The following MYO10 variants were observed in gnomAD, a reference collection of about 807,000 sequenced individuals.
MYO10 encodes unconventional myosin-X.
In MYO10, 133 loss-of-function variants were observed where a neutral mutation model predicts 257.3. The ratio of observed to expected loss-of-function variants is 0.52; its 90% CI spans 0.45 to 0.60. The LOEUF (loss-of-function observed/expected upper bound fraction) is 0.60. Ranked by LOEUF, MYO10 falls within the 20% of genes least tolerant of loss-of-function variation. MYO10 has a pLI of 0.00. For missense variants in MYO10, 2,399 were observed against 2,635.7 expected (o/e 0.91, Z 1.97); for synonymous variants, 1,104 against 1,028.6 (o/e 1.07, Z -1.40).
chr5:16,732,674 G>A (rs1739632156), intron 19 of MYO10, among the ~76,000 whole-genome samples: 1 of 152,206 alleles, frequency 6.6e-6, no homozygotes, highest in Non-Finnish European at 1.5e-5. Flanking sequence ...CTAAGGTTAT[G>A]TCCACGCAGT....
intron 2 of MYO10, among the ~76,000 whole-genome samples, chr5:16,824,798 C>G (rs1273976591): frequency 6.6e-6 from 1 of 151,996 alleles, no homozygotes; most frequent in Non-Finnish European, 1.5e-5. Context: ...ACCCGGGAGG[C>G]GGAGGTTGCA....
intron 19 of MYO10, among the ~76,000 whole-genome samples, chr5:16,711,632 A>T (rs1738624275): frequency 6.6e-6 from 1 of 151,956 alleles, no homozygotes; most frequent in African/African-American, 2.4e-5. Context: ...AAATACAAAA[A>T]TTAGCCAGGC....
Position 16,673,835 on chromosome 5 carries a change from G to GT in MYO10, c.5018dup (p.Tyr1673Ter). ...SEMEKYALFTYESLKKTKCRE... is the reference protein window; with the variant it reads ...SEMEKYALFT The stretch of plus-strand genomic sequence containing the variant: ...GGCATTTGGTTTTCTTAAGAGATTC[G>GT]TAAGTGAAGAGAGCGTATTTTTCCA... Residue 1673 changes from tyrosine to a stop codon, truncating the protein, a stop_gained and frameshift_variant, in exon 36 of 41, where the codon TAC becomes TAAC. Transcript: ENST00000513610. LOFTEE classifies it high-confidence loss of function. The GT allele has an allele frequency of 6.2e-7, 1 of 1,613,948 alleles. No homozygotes were observed. The highest frequency in any genetic ancestry group is 8.5e-7 in the Non-Finnish European group (1 of 1,179,874).
intron 2 of MYO10, among the ~76,000 whole-genome samples, chr5:16,832,880 C>G (rs981180469): frequency 2.0e-5 from 3 of 152,338 alleles, no homozygotes; most frequent in East Asian, 3.9e-4. Context: ...TTGCTATCAG[C>G]TACCCAAGTC....
intron 2 of MYO10, among the ~76,000 whole-genome samples, chr5:16,826,830 A>G (rs891558015): frequency 6.6e-6 from 1 of 152,200 alleles, no homozygotes; most frequent in Non-Finnish European, 1.5e-5. Context: ...GTAGTGATCA[A>G]TAACAAAGGT....
At chr5:16,703,494 AATC>A (rs1428944281) in intron 22 of MYO10, among the ~76,000 whole-genome samples, 3 of 152,198 alleles carry the variant, frequency 2.0e-5, no homozygotes, top group African/African-American at 7.2e-5. Flanking sequence ...ATATGAAAAA[AATC>A]ATCACAGCAG....
At chr5:16,705,239 C>T (rs1028255855) in intron 21 of MYO10, among the ~76,000 whole-genome samples, 9 of 152,254 alleles carry the variant, frequency 5.9e-5, no homozygotes, top group Middle Eastern at 3.4e-3. Flanking sequence ...AAAATATTGA[C>T]GTTAAGAACA....
chr5:16,830,679 G>GCACACACACACACACTCA (rs1554000808), intron 2 of MYO10, among the ~76,000 whole-genome samples: 43 of 149,004 alleles, frequency 2.9e-4, no homozygotes, highest in African/African-American at 4.7e-4. Context: ...TTTTTAATAG[G>GCACACACACACACACTCA]CACACACACA....
At chr5:16,738,116 C>T in intron 19 of MYO10, 1 of 984,404 alleles carries the variant, frequency 1.0e-6, no homozygotes, top group Non-Finnish European at 1.2e-6. Flanking sequence ...GGTGGAAATA[C>T]ACAGGGGAGA....
chr5:16,840,862 C>T lies in MYO10; in HGVS notation c.121-22695G>A, dbSNP rs148187796. Among the ~76,000 whole-genome samples, 383 of 151,902 alleles carry T rather than the reference C, an allele frequency of 2.5e-3. 5 individuals are homozygous for T. The highest frequency in any genetic ancestry group is 9.1e-3 in the African/African-American group (375 of 41,426). On this transcript the variant is annotated intron_variant, in intron 2 of 40. Transcript: ENST00000513610. ...TTTTTTAAAAAAGGAGATTTCAGGC[C>T]GAGTGCAGTGCCTCACACCTGTAAT...
At chr5:16,699,356 C>T (rs1263018852) in intron 26 of MYO10, 94 bp downstream of exon 26, 56 of 1,477,276 alleles carry the variant, frequency 3.8e-5, no homozygotes, top group Non-Finnish European at 4.1e-5. Flanking sequence ...GATACAATAA[C>T]ACCTCCGTTA....
intron 2 of MYO10, among the ~76,000 whole-genome samples, chr5:16,840,270 G>A: frequency 6.6e-6 from 1 of 152,176 alleles, no homozygotes; most frequent in East Asian, 1.9e-4. Context: ...AAATTAGCCA[G>A]GCATGGTGGT....
intron 10 of MYO10, 109 bp downstream of exon 10, chr5:16,768,965 C>A (rs1449001753): frequency 3.0e-6 from 4 of 1,353,690 alleles, no homozygotes; most frequent in African/African-American, 1.5e-5. Context: ...CAAGAGCCAC[C>A]GCACCTGGCC....
chr5:16,794,775 T>C lies in MYO10; in HGVS notation c.338A>G (p.Tyr113Cys). ...VNPYQPIAGL[Y>C]EPATMEQYSR... ...GTACTGCTCCATGGTGGCAGGCTCGTACAGCCCGGCGATGGGCTGGTAGGG... is the reference window on the plus strand; with the variant it reads ...GTACTGCTCCATGGTGGCAGGCTCGCACAGCCCGGCGATGGGCTGGTAGGG... Residue 113 changes from tyrosine to cysteine, a missense_variant, in exon 4 of 41, where the codon TAC (tyrosine) becomes TGC (cysteine). Physicochemically the swap from Tyr to Cys is radical, Grantham distance 194 (BLOSUM62 -2). This residue lies in a region of MYO10 where 242 missense variants were observed against 249.5 expected (regional missense o/e 0.97). Coordinates refer to ENST00000513610, the MANE Select transcript of MYO10 (RefSeq NM_012334.3). The C allele has an allele frequency of 6.2e-7, 1 of 1,606,784 alleles. No homozygotes were observed. The highest frequency in any genetic ancestry group is 1.1e-5 in the South Asian group (1 of 89,746).
intron 22 of MYO10, among the ~76,000 whole-genome samples, 163 bp from the exon 23 acceptor site, chr5:16,703,321 A>G (rs866999240): frequency 4.6e-5 from 7 of 152,228 alleles, no homozygotes; most frequent in Non-Finnish European, 7.3e-5. Flanking sequence ...TGGTCAAAAC[A>G]AAACAGGAGA....
intron 3 of MYO10, among the ~76,000 whole-genome samples, chr5:16,811,275 G>A (rs1742431391): frequency 6.6e-6 from 1 of 152,154 alleles, no homozygotes; most frequent in African/African-American, 2.4e-5. Flanking sequence ...GTAAATGCCA[G>A]TAGCGTCGCT....
At chr5:16,918,685 G>A (rs1281437645) in intron 1 of MYO10, among the ~76,000 whole-genome samples, 3 of 151,896 alleles carry the variant, frequency 2.0e-5, no homozygotes, top group Non-Finnish European at 4.4e-5. Flanking sequence ...ATTTTAAGTA[G>A]AGACAGGGTT....
intron 9 of MYO10, among the ~76,000 whole-genome samples, chr5:16,771,369 A>C (rs1395358059): frequency 2.6e-5 from 4 of 151,888 alleles, no homozygotes; most frequent in Non-Finnish European, 4.4e-5. Context: ...GGAAAACAAC[A>C]TGATTATCTG....
chr5:16,703,032 A>C lies in MYO10; in HGVS notation c.2403T>G (p.Gly801=). The change falls in exon 23 of 41, where the codon GGT becomes GGG. Residue 801 remains glycine (G), a synonymous_variant. Coordinates refer to ENST00000513610, the MANE Select transcript of MYO10 (RefSeq NM_012334.3). ...GTCTGTAAACTCTCCGAGCAATCTGACCTCTGAGTTGCTTCTGGAAAACTA... is the reference window on the plus strand; with the variant it reads ...GTCTGTAAACTCTCCGAGCAATCTGCCCTCTGAGTTGCTTCTGGAAAACTA... ...AAIVFQKQLR[G]QIARRVYRQL... is the part of the protein sequence containing the mutation. The C allele has an allele frequency of 6.4e-7, 1 of 1,553,480 alleles. No homozygotes were observed. Among genetic ancestry groups the C allele is most frequent in the Non-Finnish European group, 8.7e-7 (1 of 1,147,574 alleles).
Sources: gnomAD v4.1 joint callset for allele counts (sites outside exome capture counted in the v4.1 genomes callset) on GRCh38, gnomAD v4.1.1 for gene constraint, gnomAD v4.1.1 regional missense constraint, MANE v1.5 for transcripts, NCBI Gene and HGNC (gene_info 2026-07-23, HGNC 2026-07-21) for gene names.